The following OPA3 variants were observed in gnomAD, a reference collection of about 807,000 sequenced individuals.
The protein encoded by OPA3 is optic atrophy 3 protein.
Under a neutral mutation model 4.0 loss-of-function variants are expected in OPA3, and 6 were observed. The observed-to-expected ratio is 1.51, with a 90% CI of 0.83 to 2.99. The LOEUF is 2.99. Ranked by LOEUF, OPA3 falls within the 30% of genes most tolerant of loss-of-function variation. OPA3 has a pLI of 0.00. For missense variants in OPA3, 235 were observed against 256.2 expected (o/e 0.92, Z 0.56); for synonymous variants, 105 against 117.1 (o/e 0.90, Z 0.67).
intron 1 of OPA3, among the ~76,000 whole-genome samples, chr19:45,533,486 G>A (rs909346688): frequency 8.5e-5 from 13 of 152,194 alleles, no homozygotes; most frequent in African/African-American, 2.7e-4. Context: ...GAGCCACCGC[G>A]CCCAGCTGAA....
rs562774270 is a variant in OPA3 at position 45,560,693 on chromosome 19, C to T, written c.143-6782G>A. ...GGCACCATTTCCTAAGCCCTTTTCTCACTCGACTGTCACATCTACTTCCAG... is the reference window on the plus strand; with the variant it reads ...GGCACCATTTCCTAAGCCCTTTTCTTACTCGACTGTCACATCTACTTCCAG... On this transcript the variant is annotated intron_variant, in intron 1 of 1. Coordinates refer to ENST00000263275, the MANE Select transcript of OPA3 (RefSeq NM_025136.4). Among the ~76,000 whole-genome samples, 11 of 152,256 alleles carry T rather than the reference C, an allele frequency of 7.2e-5. No homozygotes were observed. The South Asian group carries it at 2.3e-3, about 32-fold the overall frequency.
intron 1 of OPA3, among the ~76,000 whole-genome samples, chr19:45,558,180 A>G (rs570433143): frequency 1.3e-5 from 2 of 152,038 alleles, no homozygotes; most frequent in South Asian, 4.2e-4. Flanking sequence ...AAAATACAAA[A>G]AATTAGCGGG....
In OPA3 at chr19:45,547,467, G is replaced by A. The variant is rs562194205; in HGVS notation, c.*6047C>T. The stretch of plus-strand genomic sequence containing the variant: ...TGATTTGGCCCAAAGGCCTTGGTCA[G>A]CGAGCCTCTGCTCTATTCTGACAGC... On this transcript the variant is annotated 3_prime_UTR_variant, in exon 2 of 2. Transcript: ENST00000263275. The A allele has an allele frequency of 4.6e-5, 7 of 152,356 alleles. No individual in the cohort carries two copies. Among genetic ancestry groups the A allele is most frequent in the African/African-American group, 1.7e-4 (7 of 41,570 alleles). The allele number at this position is 152,356 out of a possible 1,614,324, so 9.4% of individuals were successfully genotyped here. A position where few individuals can be genotyped will look rare whatever the true frequency, so the allele number is the denominator to read the frequency against.
intron 1 of OPA3, among the ~76,000 whole-genome samples, chr19:45,570,411 G>C (rs12983231): frequency 6.6e-6 from 1 of 152,068 alleles, no homozygotes. Flanking sequence ...GGCTGGGAGC[G>C]GTGGCTCATG....
chr19:45,553,523 G>C lies in OPA3; in HGVS notation c.531C>G (p.Ser177=). 6.2e-7 allele frequency: 1 copy of C among 1,613,214 alleles called. No individual in the cohort carries two copies. Among genetic ancestry groups the C allele is most frequent in the South Asian group, 1.1e-5 (1 of 91,084 alleles). ...TCCATCCAGCAAGCTCCTATTTCTT[G>C]GACGCAGGCACTGCGTGGGAAGCGG... ...GRSASHAVPA[S]KK Residue 177 remains serine (S), a synonymous_variant, in exon 2 of 2, where the codon TCC becomes TCG. Coordinates refer to ENST00000263275, the MANE Select transcript of OPA3 (RefSeq NM_025136.4).
rs754047369 is a variant in OPA3, at chr19:45,553,927, G to A, written c.143-16C>T. 1 of 1,595,570 alleles carries A rather than the reference G, an allele frequency of 6.3e-7. No homozygotes were observed. On this transcript the variant is annotated splice_polypyrimidine_tract_variant and intron_variant, in intron 1 of 1. Transcript: ENST00000263275. ...CAGTGATACACTGCGGGGGAAGAGA[G>A]GGGTCAGGCTGCGCTCTGGGAGCCC...
In OPA3 at chr19:45,584,772, G is replaced by A; in HGVS notation, c.-8C>T. On this transcript the variant is annotated 5_prime_UTR_variant, in exon 1 of 2. Coordinates refer to ENST00000263275, the MANE Select transcript of OPA3 (RefSeq NM_025136.4). The stretch of plus-strand genomic sequence containing the variant: ...GAACGCGCCCACCACCATCTTGGCG[G>A]TCTCACAGGGCACGCGCAACCTTGC... 2 of 1,613,432 alleles carry A rather than the reference G, an allele frequency of 1.2e-6. No homozygotes were observed. Among genetic ancestry groups the A allele is most frequent in the South Asian group, 1.1e-5 (1 of 91,060 alleles).
chr19:45,550,172 A>G lies in OPA3; in HGVS notation c.*3342T>C. On this transcript the variant is annotated 3_prime_UTR_variant, in exon 2 of 2. Coordinates refer to ENST00000263275, the MANE Select transcript of OPA3 (RefSeq NM_025136.4). ...ACTGTCTCCGAAAGAAAAGAAAAGA[A>G]AAAAGAAGAGAAAAGAAGAAAAGAA... 1 of 979,646 alleles carries G rather than the reference A, an allele frequency of 1.0e-6. No homozygotes were observed. The highest frequency in any genetic ancestry group is 1.7e-5 in the African/African-American group (1 of 57,240). 60.7% of individuals were successfully genotyped at this position (979,646 alleles called of 1,614,324 possible).
intron 1 of OPA3, among the ~76,000 whole-genome samples, chr19:45,571,220 C>T (rs959242359): frequency 6.6e-6 from 1 of 151,912 alleles, no homozygotes; most frequent in Non-Finnish European, 1.5e-5. Flanking sequence ...CTTGGCACAC[C>T]GCAACCTCCA....
intron 1 of OPA3, among the ~76,000 whole-genome samples, chr19:45,576,944 T>G (rs1310474850): frequency 6.6e-6 from 1 of 152,178 alleles, no homozygotes; most frequent in African/African-American, 2.4e-5. Flanking sequence ...CTCTACTGCC[T>G]ACTGTGTGTG....
chr19:45,560,915 T>C (rs1024850717), intron 1 of OPA3, among the ~76,000 whole-genome samples: 1 of 152,170 alleles, frequency 6.6e-6, no homozygotes, highest in Admixed American at 6.5e-5. Flanking sequence ...CAGTTAACTA[T>C]TGTTCAAGAT....
At chr19:45,555,494 ATT>A (rs34052901) in intron 1 of OPA3, among the ~76,000 whole-genome samples, 111 of 142,796 alleles carry the variant, frequency 7.8e-4, no homozygotes, top group Admixed American at 1.1e-3. Flanking sequence ...CCTGGCTAAT[ATT>A]TTTTTTTTTT....
intron 1 of OPA3, among the ~76,000 whole-genome samples, chr19:45,582,441 C>T (rs944558740): frequency 6.6e-6 from 1 of 152,030 alleles, no homozygotes; most frequent in Non-Finnish European, 1.5e-5. Flanking sequence ...ATTACAGATG[C>T]GAGCCAATGG....
chr19:45,528,661 A>C, exon 2 of OPA3: 1 of 207,340 alleles, frequency 4.8e-6, no homozygotes, highest in Non-Finnish European at 9.8e-6. Flanking sequence ...GGGTGACAGA[A>C]TGAGAGGTGG....
rs891148961 is a variant in OPA3 at position 45,555,307 on chromosome 19, A to C, written c.143-1396T>G. 6.6e-5 allele frequency among the ~76,000 whole-genome samples: 10 copies of C among 152,222 alleles called. No homozygotes were observed. In the East Asian group the frequency reaches 1.9e-3, roughly 29 times the overall value. ...ACATGAACAAAAAGAAACCATGTGA[A>C]ATTTCTGACTGAAAAAGAAGAGCTT... On this transcript the variant is annotated intron_variant, in intron 1 of 1. Coordinates refer to ENST00000263275, the MANE Select transcript of OPA3 (RefSeq NM_025136.4).
chr19:45,548,678 G>A lies in OPA3; in HGVS notation c.*4836C>T, dbSNP rs933531202. 41 of 977,988 alleles carry A rather than the reference G, an allele frequency of 4.2e-5. No homozygotes were observed. The highest frequency in any genetic ancestry group is 9.5e-5 in the South Asian group (2 of 21,142). The allele number at this position is 977,988 out of a possible 1,614,324, so 60.6% of individuals were successfully genotyped here. On this transcript the variant is annotated 3_prime_UTR_variant, in exon 2 of 2. Coordinates refer to ENST00000263275, the MANE Select transcript of OPA3 (RefSeq NM_025136.4). ...TTTTTTTTATTTTTTTTTTTTTTGCGGGAGACGCCCTACCAAGGACACTGG... is the reference window on the plus strand; with the variant it reads ...TTTTTTTTATTTTTTTTTTTTTTGCAGGAGACGCCCTACCAAGGACACTGG...
intron 1 of OPA3, among the ~76,000 whole-genome samples, chr19:45,529,936 G>T (rs1017084085): frequency 6.6e-6 from 1 of 151,644 alleles, no homozygotes; most frequent in Non-Finnish European, 1.5e-5. Context: ...GGCTCCTTGC[G>T]TTGCCCAGGC....
intron 1 of OPA3, among the ~76,000 whole-genome samples, chr19:45,539,084 C>T (rs1303298071): frequency 6.6e-6 from 1 of 152,134 alleles, no homozygotes; most frequent in Non-Finnish European, 1.5e-5. Flanking sequence ...CATTAGATCT[C>T]ATGAGAATTC....
At chr19:45,577,250 C>A (rs1969782864) in intron 1 of OPA3, among the ~76,000 whole-genome samples, 1 of 152,216 alleles carries the variant, frequency 6.6e-6, no homozygotes, top group African/African-American at 2.4e-5. Flanking sequence ...ACTGCTCCAG[C>A]CTCTCCTGTG....
Sources: gnomAD v4.1 joint callset for allele counts (sites outside exome capture counted in the v4.1 genomes callset) on GRCh38, gnomAD v4.1.1 for gene constraint, MANE v1.5 for transcripts, NCBI Gene and HGNC (gene_info 2026-07-23, HGNC 2026-07-21) for gene names.